Variants in AMBRA1 observed in about 807,000 individuals in gnomAD.
AMBRA1 encodes the protein activating molecule in BECN1-regulated autophagy protein 1.
In AMBRA1, 47 loss-of-function variants were observed where a neutral mutation model predicts 125.4. The observed-to-expected ratio is 0.37, with a 90% CI of 0.30 to 0.48. The LOEUF (loss-of-function observed/expected upper bound fraction) is 0.48, where lower values mean the gene tolerates loss of function less well. Among genes scored for constraint, AMBRA1 ranks in the 20% least tolerant of loss-of-function variants. The pLI is 0.99. For synonymous variants in AMBRA1, 626 were observed against 655.5 expected (o/e 0.95, Z 0.69); for missense variants, 1,331 against 1,693.4 (o/e 0.79, Z 3.76).
chr11:46,408,826 A>C (rs1316797509), intron 16 of AMBRA1, 120 bp from the exon 17 acceptor site: 3 of 909,364 alleles, frequency 3.3e-6, no homozygotes, highest in East Asian at 6.1e-5. Context: ...GGCTAAGAGA[A>C]GCCCTGTGCT....
At chr11:46,493,266 G>A (rs558199980) in intron 11 of AMBRA1, among the ~76,000 whole-genome samples, 7 of 152,224 alleles carry the variant, frequency 4.6e-5, no homozygotes, top group Admixed American at 2.6e-4. Flanking sequence ...TCTGGCTCAT[G>A]AGTATCTCAC....
chr11:46,434,906 C>T lies in AMBRA1; in HGVS notation c.2764G>A (p.Ala922Thr). The change falls in exon 13 of 18, where the codon GCA (alanine) becomes ACA (threonine). Residue 922 changes from alanine to threonine, a missense_variant. By Grantham distance (58) the Ala-to-Thr change is moderately conservative. Transcript: ENST00000683756. ...QRGFPDEGILAVYSLAPHNLG... is the reference protein window; with the variant it reads ...QRGFPDEGILTVYSLAPHNLG... ...TTATGGGGGGCCAGGGAGTACACTG[C>T]CAGGATGCCTTCATCAGGAAAGCCC... is the stretch of plus-strand genomic sequence containing the variant. 6.2e-7 allele frequency: 1 copy of T among 1,614,078 alleles called. No homozygotes were observed. Among genetic ancestry groups the T allele is most frequent in the South Asian group, 1.1e-5 (1 of 91,066 alleles).
Position 46,397,392 on chromosome 11 carries a change from T to C in AMBRA1, c.*58A>G. On this transcript the variant is annotated 3_prime_UTR_variant, in exon 18 of 18. Transcript: ENST00000683756. ...TCCACATGTCCAGTTCCCAGTCAGC[T>C]GTGAGGTCCGGTTTCTGCTTGGCGG... The C allele has an allele frequency of 2.8e-6, 4 of 1,453,264 alleles. No individual in the cohort carries two copies. Among genetic ancestry groups the C allele is most frequent in the Non-Finnish European group, 3.6e-6 (4 of 1,102,142 alleles). The allele number at this position is 1,453,264 out of a possible 1,614,324, so 90.0% of individuals were successfully genotyped here.
chr11:46,487,241 G>A (rs1227581638), intron 11 of AMBRA1, among the ~76,000 whole-genome samples: 3 of 151,132 alleles, frequency 2.0e-5, no homozygotes. Context: ...CTGGGCAACA[G>A]AGCGAGACCC....
intron 7 of AMBRA1, among the ~76,000 whole-genome samples, chr11:46,528,565 G>A (rs1952079450): frequency 6.6e-6 from 1 of 152,150 alleles, no homozygotes; most frequent in African/African-American, 2.4e-5. Flanking sequence ...CCATTAATAA[G>A]AGGTACCTAA....
At chr11:46,545,496 C>T in intron 5 of AMBRA1, 108 bp downstream of exon 5, 2 of 1,343,288 alleles carry the variant, frequency 1.5e-6, no homozygotes, top group Non-Finnish European at 1.0e-6. Context: ...AGGATGACAA[C>T]TTGCCCTGAG....
At chr11:46,581,694 G>A (rs1265218239) in intron 1 of AMBRA1, among the ~76,000 whole-genome samples, 3 of 151,522 alleles carry the variant, frequency 2.0e-5, no homozygotes, top group South Asian at 2.1e-4. Context: ...CAGCTACTCA[G>A]GAGGCTGAGG....
At chr11:46,566,857 C>T (rs940806190) in intron 1 of AMBRA1, among the ~76,000 whole-genome samples, 1 of 151,952 alleles carries the variant, frequency 6.6e-6, no homozygotes, top group Non-Finnish European at 1.5e-5. Flanking sequence ...AAAACTAAAC[C>T]GCCATTGTAA....
intron 14 of AMBRA1, among the ~76,000 whole-genome samples, chr11:46,421,762 T>C (rs973633559): frequency 6.6e-6 from 1 of 152,336 alleles, no homozygotes; most frequent in African/African-American, 2.4e-5. Flanking sequence ...TACTGACAGA[T>C]GGTTACGTAG....
chr11:46,473,211 T>C (rs1231342594), intron 11 of AMBRA1, among the ~76,000 whole-genome samples: 1 of 152,232 alleles, frequency 6.6e-6, no homozygotes, highest in Non-Finnish European at 1.5e-5. Context: ...CATTAAAGAC[T>C]ACATCCTCCT....
At chr11:46,413,297 T>C (rs1425134243) in intron 15 of AMBRA1, among the ~76,000 whole-genome samples, 4 of 152,208 alleles carry the variant, frequency 2.6e-5, no homozygotes, top group African/African-American at 9.6e-5. Context: ...TGCTCCACTA[T>C]GCCTCCCCAT....
At chr11:46,458,267 G>A (rs1436788769) in intron 11 of AMBRA1, among the ~76,000 whole-genome samples, 1 of 152,200 alleles carries the variant, frequency 6.6e-6, no homozygotes, top group Non-Finnish European at 1.5e-5. Flanking sequence ...TTGAGACGCT[G>A]CTAAAAGGAC....
intron 9 of AMBRA1, chr11:46,504,727 C>A (rs1950967253): frequency 6.6e-6 from 1 of 152,252 alleles, no homozygotes; most frequent in Non-Finnish European, 1.5e-5. Flanking sequence ...CAAAGCCACC[C>A]TCCCAAGAGA....
Position 46,543,907 on chromosome 11 carries a change from G to A in AMBRA1, c.618+68C>T, listed in dbSNP as rs998055920. 41 of 1,249,952 alleles carry A rather than the reference G, an allele frequency of 3.3e-5. 1 individual carries two copies. Among genetic ancestry groups the A allele is most frequent in the Non-Finnish European group, 4.8e-5 (41 of 858,364 alleles). 77.4% of individuals were successfully genotyped at this position (1,249,952 alleles called of 1,614,324 possible). A position where few individuals can be genotyped will look rare whatever the true frequency, so the allele number is the denominator to read the frequency against. The stretch of plus-strand genomic sequence containing the variant: ...TGAGAATTAAAATCCAATATAATCA[G>A]AATTGGAATACTAGTTAAGAAAAGA... On this transcript the variant is annotated intron_variant, in intron 6 of 17. Coordinates refer to ENST00000683756, the MANE Select transcript of AMBRA1 (RefSeq NM_001387011.1).
chr11:46,435,807 G>A (rs1947688006), intron 12 of AMBRA1, among the ~76,000 whole-genome samples: 1 of 152,246 alleles, frequency 6.6e-6, no homozygotes, highest in Non-Finnish European at 1.5e-5. Context: ...GTGGAGGAAT[G>A]TCTGTTGGTG....
At chr11:46,406,637 T>A (rs914878206) in intron 17 of AMBRA1, among the ~76,000 whole-genome samples, 3 of 152,102 alleles carry the variant, frequency 2.0e-5, no homozygotes, top group East Asian at 2.0e-4. Flanking sequence ...TCCCAGCACT[T>A]TGGGAGGCTG....
intron 7 of AMBRA1, among the ~76,000 whole-genome samples, chr11:46,520,703 C>G (rs566189951): frequency 4.7e-5 from 7 of 150,206 alleles, no homozygotes; most frequent in Non-Finnish European, 8.9e-5. Flanking sequence ...TCACGCCATT[C>G]TCCTGCCTCA....
chr11:46,528,912 G>A (rs1952096398), intron 7 of AMBRA1, among the ~76,000 whole-genome samples: 1 of 152,160 alleles, frequency 6.6e-6, no homozygotes, highest in Non-Finnish European at 1.5e-5. Flanking sequence ...CCTCTGTGTA[G>A]GGGAGGAAAA....
In AMBRA1 at chr11:46,575,411, A is replaced by G. The variant is rs1027084555; in HGVS notation, c.-121+18417T>C. Reference sequence around the variant, plus strand: ...GGTGGAGGTTGTGGTGAGCTGAGAGAGCACCATTGCACTCTAGCCTGGGCA... The same window carrying G: ...GGTGGAGGTTGTGGTGAGCTGAGAGGGCACCATTGCACTCTAGCCTGGGCA... On this transcript the variant is annotated intron_variant, in intron 1 of 17. Transcript: ENST00000683756. Among the ~76,000 whole-genome samples the G allele has an allele frequency of 6.6e-5, 10 of 151,010 alleles. No individual in the cohort carries two copies. In the South Asian group the frequency reaches 2.1e-3, roughly 32 times the overall value.
Sources: allele counts gnomAD v4.1 joint callset (sites outside exome capture counted in the v4.1 genomes callset), GRCh38; gene constraint gnomAD v4.1.1; transcripts MANE v1.5; gene names NCBI Gene and HGNC (gene_info 2026-07-23, HGNC 2026-07-21).